Variants in SLC22A23 observed in about 807,000 individuals in gnomAD.
SLC22A23 encodes the protein solute carrier family 22 member 23, also known as ion transporter protein.
SLC22A23 carries 26 observed loss-of-function variants against 61.0 expected under a neutral mutation model. The observed-to-expected ratio is 0.43, with a 90% confidence interval of 0.31 to 0.59. The LOEUF is 0.59. Ranked by LOEUF, SLC22A23 falls within the 20% of genes least tolerant of loss-of-function variation. The pLI, the probability that SLC22A23 is intolerant of heterozygous loss-of-function variation, is 0.11. For missense variants in SLC22A23, 796 were observed against 934.7 expected, an observed-to-expected ratio of 0.85 and a Z score of 1.94; for synonymous variants, 430 against 413.9, an observed-to-expected ratio of 1.04 and a Z score of -0.47.
At position 3,456,145 on chromosome 6, in the gene SLC22A23, C is replaced by T. The variant is rs1021921211; in HGVS notation, c.415G>A (p.Gly139Arg). ...CCGCCCCGGCCTGTGGTGGTGACCC[C>T]TGCCAGCTCGGTGCCTTTGCCGGCC... is the stretch of plus-strand genomic sequence containing the variant. Reference protein sequence around the residue: ...RGAGKGTELAGVTTTGRGGDM... With the variant: ...RGAGKGTELARVTTTGRGGDM... Residue 139 changes from glycine (G) to arginine (R), a missense_variant, in exon 1 of 10, where the codon GGG (glycine) becomes AGG (arginine). Gly to Arg is a moderately radical substitution (Grantham distance 125, BLOSUM62 -2). Transcript: ENST00000406686. This position sits in a 1 kb window ranked among gnomAD's most constrained non-coding sequence, Gnocchi z 7.1. 6.4e-7 allele frequency: 1 copy of T among 1,551,222 alleles called. No individual in the cohort carries two copies. The highest frequency in any genetic ancestry group is 8.7e-7 in the Non-Finnish European group (1 of 1,146,854).
chr6:3,320,625 C>T (rs948236702), intron 4 of SLC22A23, among the ~76,000 whole-genome samples: 2 of 152,180 alleles, frequency 1.3e-5, no homozygotes, highest in African/African-American at 2.4e-5. Context: ...CACTTCAAAT[C>T]CTGTCAAACA....
chr6:3,357,276 C>A (rs1765173824), intron 3 of SLC22A23, among the ~76,000 whole-genome samples: 1 of 152,194 alleles, frequency 6.6e-6, no homozygotes, highest in Admixed American at 6.5e-5. Flanking sequence ...AAACAACCAG[C>A]TGGAGGACTT....
intron 8 of SLC22A23, 123 bp downstream of exon 8, chr6:3,284,956 A>C (rs757314085): frequency 1.3e-6 from 2 of 1,549,676 alleles, no homozygotes; most frequent in African/African-American, 1.4e-5. Context: ...CTTCAGCTGC[A>C]GTTCTTGGAG....
In SLC22A23 at chr6:3,392,007, C is replaced by T. The variant is rs570447335; in HGVS notation, c.913+18181G>A. On this transcript the variant is annotated intron_variant, in intron 3 of 9. Coordinates refer to ENST00000406686, the MANE Select transcript of SLC22A23 (RefSeq NM_015482.2). ...TGCAAGATAGCATGGACTGCAGTAGCATTTGGAATGCACGATGGAAGCTGT... is the reference window on the plus strand; with the variant it reads ...TGCAAGATAGCATGGACTGCAGTAGTATTTGGAATGCACGATGGAAGCTGT... Among the ~76,000 whole-genome samples the T allele has an allele frequency of 8.6e-5, 13 of 152,032 alleles. No homozygotes were observed. The East Asian group carries it at 2.5e-3, about 29-fold the overall frequency.
rs562182215 is a variant in SLC22A23 at position 3,329,724 on chromosome 6, C to G, written c.914-5722G>C. Among the ~76,000 whole-genome samples the G allele has an allele frequency of 6.6e-6, 1 of 152,312 alleles. No homozygotes were observed. Among genetic ancestry groups the G allele is most frequent in the Non-Finnish European group, 1.5e-5 (1 of 68,022 alleles). On this transcript the variant is annotated intron_variant, in intron 3 of 9. Coordinates refer to ENST00000406686, the MANE Select transcript of SLC22A23 (RefSeq NM_015482.2). The surrounding 1 kb of genome is among the most constrained non-coding windows in gnomAD (Gnocchi z 4.8). ...AAACGACACTCACGAAGCACTCGAG[C>G]GCACCTGGCTCATACTGAAGCCACG...
Position 3,297,938 on chromosome 6 carries a change from C to T in SLC22A23, c.1210+153G>A, listed in dbSNP as rs191478862. Among the ~76,000 whole-genome samples, 1 of 152,184 alleles carries T rather than the reference C, an allele frequency of 6.6e-6. No homozygotes were observed. The highest frequency in any genetic ancestry group is 1.5e-5 in the Non-Finnish European group (1 of 68,024). Reference sequence around the variant, plus strand: ...AACACCTAGAAAATGGAGAGAATGTCAAGGTTGCCACATTGCCCTTGTGCA... The same window carrying T: ...AACACCTAGAAAATGGAGAGAATGTTAAGGTTGCCACATTGCCCTTGTGCA... On this transcript the variant is annotated intron_variant, in intron 5 of 9. Transcript: ENST00000406686. This position sits in a 1 kb window ranked among gnomAD's most constrained non-coding sequence, Gnocchi z 4.3.
At chr6:3,344,486 C>T (rs1274003009) in intron 3 of SLC22A23, among the ~76,000 whole-genome samples, 2 of 152,152 alleles carry the variant, frequency 1.3e-5, no homozygotes, top group Admixed American at 6.5e-5. Context: ...TCAAAGGACA[C>T]AAGCGGTAGT....
At chr6:3,432,193 A>C (rs527946720) in intron 1 of SLC22A23, 2 of 985,358 alleles carry the variant, frequency 2.0e-6, no homozygotes, top group Non-Finnish European at 2.4e-6. Flanking sequence ...ATCTGAGCCC[A>C]GTGCTCCTTG....
In SLC22A23 at chr6:3,360,205, A is replaced by G. The variant is rs9405632; in HGVS notation, c.914-36203T>C. ...TGGTGATGGCTGTGTAAAAATGTGA[A>G]TTACTTAATGCCACTGAATGGTACA... On this transcript the variant is annotated intron_variant, in intron 3 of 9. Transcript: ENST00000406686. The surrounding 1 kb of genome is among the most constrained non-coding windows in gnomAD (Gnocchi z 4.6). Among the ~76,000 whole-genome samples the G allele has an allele frequency of 0.21, 31,467 of 152,194 alleles. 3,905 individuals are homozygous for G. The highest frequency in any genetic ancestry group is 0.53 in the East Asian group (2,766 of 5,176).
chr6:3,311,052 C>T (rs1399843112), intron 4 of SLC22A23, among the ~76,000 whole-genome samples: 3 of 152,228 alleles, frequency 2.0e-5, no homozygotes, highest in African/African-American at 7.2e-5. Flanking sequence ...ATGCACTGGG[C>T]ACCATCCACC....
In SLC22A23 at chr6:3,427,252, C is replaced by T. The variant is rs551369696; in HGVS notation, c.655-11397G>A. ...TCGGGAATGCGCCTGGTGCAGTAAC[C>T]GGCACAAAGTGATTATTACTCATTA... On this transcript the variant is annotated intron_variant, in intron 1 of 9. Transcript: ENST00000406686. This position sits in a 1 kb window ranked among gnomAD's most constrained non-coding sequence, Gnocchi z 4.3. 1.6e-4 allele frequency among the ~76,000 whole-genome samples: 25 copies of T among 152,148 alleles called. No individual in the cohort carries two copies. The highest frequency in any genetic ancestry group is 5.8e-4 in the African/African-American group (24 of 41,510).
chr6:3,366,685 G>A (rs1017264260), intron 3 of SLC22A23, among the ~76,000 whole-genome samples: 3 of 152,110 alleles, frequency 2.0e-5, no homozygotes, highest in African/African-American at 7.2e-5. Context: ...AAACTTCACA[G>A]ACCACTCTCA....
chr6:3,292,950 C>T (rs1404610924), intron 5 of SLC22A23, among the ~76,000 whole-genome samples: 1 of 152,174 alleles, frequency 6.6e-6, no homozygotes, highest in Admixed American at 6.5e-5. Flanking sequence ...CCCTGATGAC[C>T]CTGCTGACCC....
intron 3 of SLC22A23, among the ~76,000 whole-genome samples, chr6:3,367,094 C>A (rs1228865031): frequency 6.6e-6 from 1 of 152,214 alleles, no homozygotes; most frequent in Non-Finnish European, 1.5e-5. Flanking sequence ...TAAACATCTG[C>A]TAGCAAACCT....
At chr6:3,422,044 T>C (rs1197097401) in intron 1 of SLC22A23, among the ~76,000 whole-genome samples, 2 of 152,224 alleles carry the variant, frequency 1.3e-5, no homozygotes, top group Admixed American at 6.5e-5. Flanking sequence ...ACGAGGGTTT[T>C]ACCAATCGCT....
rs1018142488 is a variant in SLC22A23, at chr6:3,271,321, G to A, written c.*1734C>T. On this transcript the variant is annotated 3_prime_UTR_variant, in exon 10 of 10. Coordinates refer to ENST00000406686, the MANE Select transcript of SLC22A23 (RefSeq NM_015482.2). ...TGGGTATCTCAAGATCCCAGGTGTCGGCGTGGTCCAGCCACTGGAAACACG... is the reference window on the plus strand; with the variant it reads ...TGGGTATCTCAAGATCCCAGGTGTCAGCGTGGTCCAGCCACTGGAAACACG... 4 of 152,302 alleles carry A rather than the reference G, an allele frequency of 2.6e-5. No individual in the cohort carries two copies. Among genetic ancestry groups the A allele is most frequent in the Non-Finnish European group, 5.9e-5 (4 of 68,048 alleles). 9.4% of individuals were successfully genotyped at this position (152,302 alleles called of 1,614,324 possible). A position where few individuals can be genotyped will look rare whatever the true frequency, so the allele number is the denominator to read the frequency against.
chr6:3,324,148 T>C lies in SLC22A23; in HGVS notation c.914-146A>G, dbSNP rs1763138648. On this transcript the variant is annotated intron_variant, in intron 3 of 9. Coordinates refer to ENST00000406686, the MANE Select transcript of SLC22A23 (RefSeq NM_015482.2). The surrounding 1 kb of genome is among the most constrained non-coding windows in gnomAD (Gnocchi z 4.3). ...TGCCCACCACAAGTGCCCTATGTGG[T>C]GTGCCAGTGTTTTACGGGCGCGTTG... The C allele has an allele frequency of 1.0e-6, 1 of 994,966 alleles. No individual in the cohort carries two copies. Among genetic ancestry groups the C allele is most frequent in the Admixed American group, 2.7e-5 (1 of 37,146 alleles). 61.6% of individuals were successfully genotyped at this position (994,966 alleles called of 1,614,324 possible).
At chr6:3,289,662 C>A in intron 6 of SLC22A23, 102 bp downstream of exon 6, 2 of 919,902 alleles carry the variant, frequency 2.2e-6, no homozygotes, top group Non-Finnish European at 3.3e-6. Context: ...CCTTAGGATT[C>A]CAAGTTCAGC....
At chr6:3,384,517 C>T (rs1189634727) in intron 3 of SLC22A23, among the ~76,000 whole-genome samples, 1 of 152,150 alleles carries the variant, frequency 6.6e-6, no homozygotes, top group Non-Finnish European at 1.5e-5. Flanking sequence ...AATCACGGAA[C>T]AGAGCTGCCT....
Sources: allele counts gnomAD v4.1 joint callset (sites outside exome capture counted in the v4.1 genomes callset), GRCh38; gene constraint gnomAD v4.1.1; non-coding constraint Gnocchi (gnomAD v3.1); transcripts MANE v1.5; gene names NCBI Gene and HGNC (gene_info 2026-07-23, HGNC 2026-07-21).